Variants in GJA3 observed in about 807,000 individuals in gnomAD.
GJA3 encodes the protein gap junction alpha-3 protein.
For synonymous variants in GJA3, 297 were observed against 292.6 expected, an observed-to-expected ratio of 1.02 and a Z score of -0.15; for missense variants, 571 against 620.3, an observed-to-expected ratio of 0.92 and a Z score of 0.84.
chr13:20,152,373 T>C (rs531690669), intron 1 of GJA3, among the ~76,000 whole-genome samples: 1 of 152,248 alleles, frequency 6.6e-6, no homozygotes, highest in East Asian at 1.9e-4. Flanking sequence ...CATAATATCA[T>C]ATTGACAATT....
Position 20,142,957 on chromosome 13 carries a change from T to A in GJA3, c.332A>T (p.Glu111Val), listed in dbSNP as rs1593333965. The stretch of plus-strand genomic sequence containing the variant: ...GCTCTCTCTCTTCAGCTGCTCCTCC[T>A]CCTCCCTCTCTTTCTTCTTCTCTTC... ...RMEEKKKERE[E>V]EEQLKRESPS... Residue 111 changes from glutamate to valine, a missense_variant, in exon 2 of 2, where the codon GAG (glutamate) becomes GTG (valine). By Grantham distance (121) the Glu-to-Val change is moderately radical. Coordinates refer to ENST00000241125, the MANE Select transcript of GJA3 (RefSeq NM_021954.4). 2 of 1,579,530 alleles carry A rather than the reference T, an allele frequency of 1.3e-6. No individual in the cohort carries two copies. Among genetic ancestry groups the A allele is most frequent in the African/African-American group, 2.7e-5 (2 of 73,904 alleles).
chr13:20,155,105 T>G (rs1045230303), intron 1 of GJA3, among the ~76,000 whole-genome samples: 2 of 152,224 alleles, frequency 1.3e-5, no homozygotes, highest in African/African-American at 4.8e-5. Flanking sequence ...GCCATCCTCC[T>G]GCCTCAGACT....
chr13:20,161,420 C>T (rs1294274342), upstream of GJA3, among the ~76,000 whole-genome samples: 8 of 152,076 alleles, frequency 5.3e-5, no homozygotes, highest in Admixed American at 4.6e-4. Context: ...TGCGCCAGCC[C>T]GCGCCCCGCT....
In GJA3 at chr13:20,142,104, C is replaced by A; in HGVS notation, c.1185G>T (p.Glu395Asp). The change falls in exon 2 of 2, where the codon GAG (glutamate) becomes GAT (aspartate). Residue 395 changes from glutamate to aspartate, a missense_variant. By Grantham distance (45) the Glu-to-Asp change is conservative (BLOSUM62 2). Coordinates refer to ENST00000241125, the MANE Select transcript of GJA3 (RefSeq NM_021954.4). ...SALAGTPEEE[E>D]QAVTTAAQMH... ...TCTGGGCCGCGGTGGTCACGGCCTG[C>A]TCCTCCTCCTCGGGGGTCCCTGCCA... 1 of 1,547,452 alleles carries A rather than the reference C, an allele frequency of 6.5e-7. No individual in the cohort carries two copies. Among genetic ancestry groups the A allele is most frequent in the Non-Finnish European group, 8.7e-7 (1 of 1,145,948 alleles).
intron 1 of GJA3, among the ~76,000 whole-genome samples, chr13:20,155,590 T>C (rs1323214292): frequency 7.1e-6 from 1 of 141,046 alleles, no homozygotes; most frequent in Non-Finnish European, 1.5e-5. Context: ...GTTCCAAATA[T>C]TGTTTATTTG....
intron 1 of GJA3, among the ~76,000 whole-genome samples, chr13:20,154,056 C>T (rs1247430141): frequency 1.3e-5 from 2 of 152,158 alleles, no homozygotes; most frequent in East Asian, 3.8e-4. Context: ...ACAAGTCCCC[C>T]AACCTTGTTC....
Position 20,142,228 on chromosome 13 carries a change from G to C in GJA3, c.1061C>G (p.Pro354Arg). ...PAASTPAAPSPVGSSSPPLAH... is the reference protein window; with the variant it reads ...PAASTPAAPSRVGSSSPPLAH... ...GAGTGGCGGGGAGCTGCTGCCGACGGGGCTGGGGGCTGCAGGCGTGGACGC... is the reference window on the plus strand; with the variant it reads ...GAGTGGCGGGGAGCTGCTGCCGACGCGGCTGGGGGCTGCAGGCGTGGACGC... Residue 354 changes from proline (P) to arginine (R), a missense_variant, in exon 2 of 2, where the codon CCC becomes CGC. By Grantham distance (103) the Pro-to-Arg change is moderately radical. Transcript: ENST00000241125. 1 of 1,527,954 alleles carries C rather than the reference G, an allele frequency of 6.5e-7. No individual in the cohort carries two copies. The highest frequency in any genetic ancestry group is 8.8e-7 in the Non-Finnish European group (1 of 1,142,074). The allele number at this position is 1,527,954 out of a possible 1,614,324, so 94.6% of individuals were successfully genotyped here.
intron 1 of GJA3, among the ~76,000 whole-genome samples, chr13:20,156,915 G>A (rs1181142168): frequency 1.3e-5 from 2 of 152,092 alleles, no homozygotes; most frequent in Non-Finnish European, 2.9e-5. Context: ...CGCCCCACTG[G>A]GGTTCCTTTC....
At chr13:20,147,294 G>A (rs1037809330) in intron 1 of GJA3, among the ~76,000 whole-genome samples, 1 of 152,170 alleles carries the variant, frequency 6.6e-6, no homozygotes, top group Non-Finnish European at 1.5e-5. Context: ...CTTATGTGAG[G>A]GGAGAACCTT....
Position 20,143,112 on chromosome 13 carries a change from C to G in GJA3, c.177G>C (p.Pro59=). 1 of 1,613,716 alleles carries G rather than the reference C, an allele frequency of 6.2e-7. No homozygotes were observed. Among genetic ancestry groups the G allele is most frequent in the South Asian group, 1.1e-5 (1 of 91,000 alleles). The change falls in exon 2 of 2, where the codon CCG becomes CCC. Residue 59 remains proline (P), a synonymous_variant. Coordinates refer to ENST00000241125, the MANE Select transcript of GJA3 (RefSeq NM_021954.4). ...TGTCGTAGCAGACGTTCTCGCAGCC[C>G]GGCTGCTGGGTGTTGCAGGTGAAGT... is the stretch of plus-strand genomic sequence containing the variant. ...QSDFTCNTQQ[P]GCENVCYDRA... is the part of the protein sequence containing the mutation.
chr13:20,156,483 G>A (rs910475054), intron 1 of GJA3, among the ~76,000 whole-genome samples: 1 of 151,982 alleles, frequency 6.6e-6, no homozygotes, highest in African/African-American at 2.4e-5. Context: ...ATTTTTGGTA[G>A]AAAATACAAA....
intron 1 of GJA3, 127 bp from the exon 2 acceptor site, chr13:20,143,432 G>A (rs1958825117): frequency 1.7e-6 from 1 of 599,076 alleles, no homozygotes; most frequent in Non-Finnish European, 2.8e-6. Flanking sequence ...CCACAGGACA[G>A]GCATCGCAGC....
chr13:20,151,993 G>A (rs533815684), intron 1 of GJA3, among the ~76,000 whole-genome samples: 83 of 152,202 alleles, frequency 5.5e-4, no homozygotes, highest in Non-Finnish European at 9.3e-4. Flanking sequence ...TGCTCAGAAC[G>A]GGAGTAATGG....
At chr13:20,161,225 C>T (rs1410991632), upstream of GJA3, among the ~76,000 whole-genome samples, 1 of 152,148 alleles carries the variant, frequency 6.6e-6, no homozygotes, top group Non-Finnish European at 1.5e-5. Flanking sequence ...CCCTACCCCG[C>T]GCGCACGTCC....
At position 20,142,848 on chromosome 13, in the gene GJA3, C is replaced by T; in HGVS notation, c.441G>A (p.Arg147=). 1 of 1,612,998 alleles carries T rather than the reference C, an allele frequency of 6.2e-7. No homozygotes were observed. The highest frequency in any genetic ancestry group is 8.5e-7 in the Non-Finnish European group (1 of 1,179,624). Residue 147 remains arginine (R), a synonymous_variant, in exon 2 of 2, where the codon CGG becomes CGA. Coordinates refer to ENST00000241125, the MANE Select transcript of GJA3 (RefSeq NM_021954.4). Reference sequence around the variant, plus strand: ...TGAAGATGATGTTGAAGACGTAGGTCCGCAGCAGCGCCCCGGCCATGCGCA... The same window carrying T: ...TGAAGATGATGTTGAAGACGTAGGTTCGCAGCAGCGCCCCGGCCATGCGCA... ...GRVRMAGALL[R]TYVFNIIFKT...
chr13:20,153,094 T>C (rs1958888071), intron 1 of GJA3, among the ~76,000 whole-genome samples: 1 of 152,224 alleles, frequency 6.6e-6, no homozygotes, highest in Non-Finnish European at 1.5e-5. Flanking sequence ...AAGACTGTAA[T>C]TTCCAGATAC....
At chr13:20,158,880 T>C (rs1296633597) in intron 1 of GJA3, among the ~76,000 whole-genome samples, 2 of 129,266 alleles carry the variant, frequency 1.5e-5, no homozygotes, top group African/African-American at 3.1e-5. Flanking sequence ...CACTGTGCCA[T>C]TGCACTCCAG....
rs760123566 is a variant in GJA3 at position 20,143,007 on chromosome 13, G to T, written c.282C>A (p.Gly94=). The part of the protein sequence containing the change: ...FVSTPTLIYL[G]HVLHIVRMEE... ...CCATGCGCACGATGTGCAGCACGTG[G>T]CCCAGGTAGATGAGGGTGGGCGTGG... Residue 94 remains glycine (G), a synonymous_variant, in exon 2 of 2, where the codon GGC becomes GGA. Transcript: ENST00000241125. 9 of 1,608,214 alleles carry T rather than the reference G, an allele frequency of 5.6e-6. No individual in the cohort carries two copies. In the Admixed American group the frequency reaches 1.5e-4, roughly 27 times the overall value.
chr13:20,157,504 T>C (rs927036194), intron 1 of GJA3, among the ~76,000 whole-genome samples: 2 of 136,956 alleles, frequency 1.5e-5, no homozygotes, highest in Non-Finnish European at 3.4e-5. Flanking sequence ...AACTGGGAAA[T>C]GGCAGCTCAG....
Sources: allele counts gnomAD v4.1 joint callset (sites outside exome capture counted in the v4.1 genomes callset), GRCh38; gene constraint gnomAD v4.1.1; transcripts MANE v1.5; gene names NCBI Gene and HGNC (gene_info 2026-07-23, HGNC 2026-07-21).